Variants in TJAP1 observed in about 807,000 individuals in gnomAD.
TJAP1 encodes tight junction-associated protein 1.
In TJAP1, 27 loss-of-function variants were observed where a neutral mutation model predicts 42.0. The observed-to-expected ratio is 0.64, with a 90% CI of 0.47 to 0.89. TJAP1 has a LOEUF of 0.89. Among genes scored for constraint, TJAP1 ranks in the 40% least tolerant of loss-of-function variants. The pLI, the probability that TJAP1 is intolerant of heterozygous loss-of-function variation, is 0.00. For synonymous variants in TJAP1, 257 were observed against 288.4 expected (o/e 0.89, Z 1.10); for missense variants, 712 against 726.9 (o/e 0.98, Z 0.24).
chr6:43,504,183 C>T (rs958219121), intron 10 of TJAP1: 7 of 249,490 alleles, frequency 2.8e-5, no homozygotes, highest in East Asian at 1.8e-4. Flanking sequence ...GGCACAATCT[C>T]GGCTCACTGC....
chr6:43,505,562 T>C lies in TJAP1; in HGVS notation c.1381T>C (p.Ser461Pro). 1 of 1,613,812 alleles carries C rather than the reference T, an allele frequency of 6.2e-7. No homozygotes were observed. Among genetic ancestry groups the C allele is most frequent in the African/African-American group, 1.3e-5 (1 of 75,060 alleles). Residue 461 changes from serine to proline, a missense_variant, in exon 11 of 11, where the codon TCT becomes CCT. By Grantham distance (74) the Ser-to-Pro change is moderately conservative. This residue lies in a region of TJAP1 where 549 missense variants were observed against 528.2 expected (regional missense o/e 1.04). Coordinates refer to ENST00000372449, the Ensembl canonical transcript of TJAP1. The surrounding 1 kb of genome is among the most constrained non-coding windows in gnomAD (Gnocchi z 5.5). The stretch of plus-strand genomic sequence containing the variant: ...CAGAGATGAGGTGGTCCAGGCACCT[T>C]CTGCCCGACCCGAAGAGAGTGAGCT...
chr6:43,482,721 T>C lies in TJAP1; in HGVS notation c.-122+4489T>C, dbSNP rs752372159. 5.8e-4 allele frequency among the ~76,000 whole-genome samples: 89 copies of C among 152,340 alleles called. 1 individual carries two copies. Among genetic ancestry groups the C allele is most frequent in the Admixed American group, 7.2e-4 (11 of 15,298 alleles). The stretch of plus-strand genomic sequence containing the variant: ...CATTTAGGACAGTGCTGGGCCTTAA[T>C]AGGTGCTTTATGATGCCGTGGTGCA... On this transcript the variant is annotated intron_variant, in intron 2 of 10. Coordinates refer to ENST00000372449, the Ensembl canonical transcript of TJAP1.
exon 11 of TJAP1, chr6:43,506,293 C>T (rs554087189): frequency 6.5e-6 from 1 of 153,326 alleles, no homozygotes; most frequent in Non-Finnish European, 1.5e-5. Flanking sequence ...TGCTTCCCCC[C>T]CCAGTCCTCC....
chr6:43,504,435 A>G (rs1361202954), intron 10 of TJAP1: 1 of 330,722 alleles, frequency 3.0e-6, no homozygotes, highest in African/African-American at 2.1e-5. Context: ...GGTATTTCTA[A>G]GGCTACTGGT....
chr6:43,503,574 T>C (rs1468278696), intron 9 of TJAP1, 49 bp from the exon 10 acceptor site: 1 of 1,610,982 alleles, frequency 6.2e-7, no homozygotes, highest in African/African-American at 1.3e-5. Flanking sequence ...TCGGCCCTGC[T>C]TCCTTGGAGA....
rs1388486108 is a variant in TJAP1 at position 43,505,784 on chromosome 6, A to G, written c.1603A>G (p.Met535Val). Reference sequence around the variant, plus strand: ...TCGCCCCCAGCGCAGCCCCAAGAGGATGGGGGTTCACCACCTGCACCGCAA... The same window carrying G: ...TCGCCCCCAGCGCAGCCCCAAGAGGGTGGGGGTTCACCACCTGCACCGCAA... The change falls in exon 11 of 11, where the codon ATG becomes GTG. Residue 535 changes from methionine to valine, a missense_variant. This residue lies in a region of TJAP1 where 549 missense variants were observed against 528.2 expected (regional missense o/e 1.04). Transcript: ENST00000372449. The surrounding 1 kb of genome is among the most constrained non-coding windows in gnomAD (Gnocchi z 5.5). 1.3e-6 allele frequency: 2 copies of G among 1,507,668 alleles called. No homozygotes were observed. The highest frequency in any genetic ancestry group is 2.8e-5 in the African/African-American group (2 of 71,510). 93.4% of individuals were successfully genotyped at this position (1,507,668 alleles called of 1,614,324 possible). A position where few individuals can be genotyped will look rare whatever the true frequency, so the allele number is the denominator to read the frequency against.
At chr6:43,488,856 C>T (rs1168025161) in intron 2 of TJAP1, among the ~76,000 whole-genome samples, 2 of 152,140 alleles carry the variant, frequency 1.3e-5, no homozygotes, top group African/African-American at 4.8e-5. Context: ...GTCAGAGCAA[C>T]ATGGGGAGCC....
chr6:43,501,576 C>T (rs1242114562), exon 6 of TJAP1: 1 of 1,614,068 alleles, frequency 6.2e-7, no homozygotes, highest in South Asian at 1.1e-5. Context: ...GCCTCCGCCA[C>T]CAGACGCACT....
At position 43,495,549 on chromosome 6, in the gene TJAP1, C is replaced by T. The variant is rs1487553053; in HGVS notation, c.-121-2332C>T. Reference sequence around the variant, plus strand: ...CATGGGCCCCCTGGTGGATTGTCTTCCCAGTGGGCATTGCCTTCTGCTTCC... The same window carrying T: ...CATGGGCCCCCTGGTGGATTGTCTTTCCAGTGGGCATTGCCTTCTGCTTCC... On this transcript the variant is annotated intron_variant, in intron 2 of 10. Coordinates refer to ENST00000372449, the Ensembl canonical transcript of TJAP1. The surrounding 1 kb of genome is among the most constrained non-coding windows in gnomAD (Gnocchi z 4.6). Among the ~76,000 whole-genome samples the T allele has an allele frequency of 6.6e-6, 1 of 152,180 alleles. No homozygotes were observed. Among genetic ancestry groups the T allele is most frequent in the East Asian group, 1.9e-4 (1 of 5,196 alleles).
intron 2 of TJAP1, among the ~76,000 whole-genome samples, chr6:43,496,195 C>T (rs1489024036): frequency 6.6e-6 from 1 of 152,130 alleles, no homozygotes; most frequent in Non-Finnish European, 1.5e-5. Context: ...CTGCTCGCAT[C>T]TCTCACTCTT....
Position 43,502,263 on chromosome 6 carries a change from CTTGT to C in TJAP1, c.291-19_291-16del, listed in dbSNP as rs772194303. 6 of 1,613,660 alleles carry C rather than the reference CTTGT, an allele frequency of 3.7e-6. No individual in the cohort carries two copies. The highest frequency in any genetic ancestry group is 5.1e-6 in the Non-Finnish European group (6 of 1,179,880). On this transcript the variant is annotated splice_polypyrimidine_tract_variant and intron_variant, in intron 6 of 10. Transcript: ENST00000372449. ...ACAGGATCTTGACCCAGGGATGTGC[CTTGT>C]ATTATCCCTTTTCAGGCTGCAGAAC...
In TJAP1 at chr6:43,501,749, CACACACACACTCTCTCT is replaced by C. The variant is rs1344868196; in HGVS notation, c.290+63_290+79del. Reference sequence around the variant, plus strand: ...ACACACACACACACACACACACACACACACACACACTCTCTCTGTCTCTCTCTCTCTCTGTGTCTCTG... The same window carrying C: ...ACACACACACACACACACACACACACGTCTCTCTCTCTCTCTGTGTCTCTG... On this transcript the variant is annotated intron_variant, in intron 6 of 10. Transcript: ENST00000372449. 1,267 of 687,672 alleles carry C rather than the reference CACACACACACTCTCTCT, an allele frequency of 1.8e-3. 1 individual carries two copies. The highest frequency in any genetic ancestry group is 2.7e-3 in the Non-Finnish European group (992 of 373,704). The allele number at this position is 687,672 out of a possible 1,614,324, so 42.6% of individuals were successfully genotyped here. A position where few individuals can be genotyped will look rare whatever the true frequency, so the allele number is the denominator to read the frequency against.
rs1791199359 is a variant in TJAP1, at chr6:43,502,613, T to C, written c.383T>C (p.Phe128Ser). ...GCCTCTCTTAGCCACAGCTGGATTT[T>C]TGCAGTTGCGTCTGAGTTTGTGTGT... Residue 128 changes from phenylalanine (F) to serine (S), a missense_variant, in exon 8 of 11, where the codon TTT becomes TCT. Coordinates refer to ENST00000372449, the Ensembl canonical transcript of TJAP1. 1.9e-6 allele frequency: 3 copies of C among 1,551,704 alleles called. No individual in the cohort carries two copies. The South Asian group carries it at 3.6e-5, about 18-fold the overall frequency.
chr6:43,484,139 C>T (rs1785928588), intron 2 of TJAP1, among the ~76,000 whole-genome samples: 1 of 151,654 alleles, frequency 6.6e-6, no homozygotes, highest in African/African-American at 2.4e-5. Flanking sequence ...GAGTTCATAG[C>T]ATATAGCATG....
At chr6:43,506,017 C>A in exon 11 of TJAP1, 1 of 627,552 alleles carries the variant, frequency 1.6e-6, no homozygotes, top group Non-Finnish European at 2.4e-6. Context: ...CATGCCAGGC[C>A]TGTCAGCTGC....
intron 2 of TJAP1, among the ~76,000 whole-genome samples, chr6:43,496,256 C>T (rs1038116536): frequency 2.0e-5 from 3 of 152,176 alleles, no homozygotes; most frequent in Non-Finnish European, 2.9e-5. Context: ...ACACATTTAC[C>T]CTCTGAGTAT....
intron 6 of TJAP1, among the ~76,000 whole-genome samples, chr6:43,502,068 A>ACTCTCTCTCTCT (rs1366522224): frequency 1.6e-5 from 2 of 127,538 alleles, no homozygotes; most frequent in African/African-American, 7.3e-5. Context: ...ACACACACAC[A>ACTCTCTCTCTCT]CACACACACT....
Position 43,501,512 on chromosome 6 carries a change from C to T in TJAP1, c.129-14C>T, listed in dbSNP as rs1790517530. 3 of 1,610,478 alleles carry T rather than the reference C, an allele frequency of 1.9e-6. No homozygotes were observed. The highest frequency in any genetic ancestry group is 1.7e-5 in the Admixed American group (1 of 59,620). ...TCATACCCCTCTGCCCTTGATCCCA[C>T]AACACCCTGCCAGGCTCTTACAGGA... On this transcript the variant is annotated splice_polypyrimidine_tract_variant and intron_variant, in intron 5 of 10. Coordinates refer to ENST00000372449, the Ensembl canonical transcript of TJAP1.
intron 2 of TJAP1, among the ~76,000 whole-genome samples, chr6:43,479,815 C>T (rs1784938015): frequency 6.6e-6 from 1 of 152,078 alleles, no homozygotes; most frequent in South Asian, 2.1e-4. Flanking sequence ...ACTAAAAATA[C>T]AAAAATCGGC....
Sources: gnomAD v4.1 joint callset for allele counts (sites outside exome capture counted in the v4.1 genomes callset) on GRCh38, gnomAD v4.1.1 for gene constraint, gnomAD v4.1.1 regional missense constraint, Gnocchi (gnomAD v3.1) non-coding constraint, MANE v1.5 for transcripts, NCBI Gene and HGNC (gene_info 2026-07-23, HGNC 2026-07-21) for gene names.